DENND2C: variants seen among roughly 807,000 people sequenced by gnomAD.
The protein encoded by DENND2C is DENN domain-containing protein 2C.
Under a neutral mutation model 112.4 loss-of-function variants are expected in DENND2C, and 72 were observed. That is an observed-to-expected ratio of 0.64 (90% CI 0.53 to 0.78). The LOEUF (loss-of-function observed/expected upper bound fraction) is 0.78. Ranked by LOEUF, DENND2C falls within the 30% of genes least tolerant of loss-of-function variation. The probability of loss-of-function intolerance (pLI) is 0.00; values close to 1 mark genes in which losing one functional copy is unlikely to be tolerated. For synonymous variants in DENND2C, 329 were observed against 381.6 expected (o/e 0.86, Z 1.61); for missense variants, 992 against 1,113.8 (o/e 0.89, Z 1.56).
At chr1:114,626,902 A>G (rs1411534553) in intron 3 of DENND2C, among the ~76,000 whole-genome samples, 1 of 152,088 alleles carries the variant, frequency 6.6e-6, no homozygotes, top group Non-Finnish European at 1.5e-5. Context: ...CAAAATTTAT[A>G]TATGTCCACA....
intron 7 of DENND2C, 95 bp downstream of exon 7, chr1:114,621,800 C>G (rs1475565933): frequency 1.4e-6 from 2 of 1,476,920 alleles, no homozygotes; most frequent in South Asian, 1.3e-5. Flanking sequence ...TAGGTCAGTT[C>G]TAACCTATTA....
Position 114,587,785 on chromosome 1 carries a change from G to T in DENND2C, c.2599C>A (p.Leu867Ile). The T allele has an allele frequency of 6.2e-7, 1 of 1,614,140 alleles. No homozygotes were observed. ...GCAAACATCTGAGTTTCCATGAAGAGATCCAGGAAGTGGCGTACACTTCGG... is the reference window on the plus strand; with the variant it reads ...GCAAACATCTGAGTTTCCATGAAGATATCCAGGAAGTGGCGTACACTTCGG... Reference protein sequence around the residue: ...TSRSVRHFLDLFMETQMFAGF... With the variant: ...TSRSVRHFLDIFMETQMFAGF... Residue 867 changes from leucine (L) to isoleucine (I), a missense_variant, in exon 19 of 21, where the codon CTC (leucine) becomes ATC (isoleucine). Physicochemically the swap from Leu to Ile is conservative, Grantham distance 5. This residue lies in a region of DENND2C where 516 missense variants were observed against 623.6 expected (regional missense o/e 0.83). Coordinates refer to ENST00000393274, the MANE Select transcript of DENND2C (RefSeq NM_001256404.2).
At chr1:114,598,322 T>C (rs527959418) in intron 16 of DENND2C, among the ~76,000 whole-genome samples, 2 of 152,260 alleles carry the variant, frequency 1.3e-5, no homozygotes, top group East Asian at 1.9e-4. Context: ...CTCATCAACA[T>C]AGATTAATCT....
chr1:114,625,398 G>T lies in DENND2C; in HGVS notation c.587C>A (p.Ser196Tyr). The T allele has an allele frequency of 6.2e-7, 1 of 1,614,142 alleles. No individual in the cohort carries two copies. Among genetic ancestry groups the T allele is most frequent in the Non-Finnish European group, 8.5e-7 (1 of 1,180,012 alleles). ...TCCACATTCTTGCCCCTCAGGTTCA[G>T]AGTAAATATTTTCTAAGCTCTTGGT... ...GITKSLENIY[S>Y]EPEGQECGPS... The change falls in exon 4 of 21, where the codon TCT (serine) becomes TAT (tyrosine). Residue 196 changes from serine (S) to tyrosine (Y), a missense_variant. Ser to Tyr is a moderately radical substitution (Grantham distance 144). Around this residue, in one of 3 missense-constraint regions of DENND2C, gnomAD observed 470 missense variants for 472.7 expected, o/e 0.99. Transcript: ENST00000393274.
intron 14 of DENND2C, 136 bp downstream of exon 14, chr1:114,600,684 T>G (rs1333898886): frequency 3.3e-6 from 4 of 1,212,326 alleles, no homozygotes; most frequent in Non-Finnish European, 4.5e-6. Context: ...ATTTCTCCAG[T>G]GCTTTATGGA....
chr1:114,636,491 C>G (rs150676664), intron 3 of DENND2C, among the ~76,000 whole-genome samples: 1 of 152,058 alleles, frequency 6.6e-6, no homozygotes, highest in South Asian at 2.1e-4. Context: ...AGTGGTGAAT[C>G]CAGTCTCTAC....
At chr1:114,626,489 T>C (rs1002178310) in intron 3 of DENND2C, among the ~76,000 whole-genome samples, 1 of 151,162 alleles carries the variant, frequency 6.6e-6, no homozygotes, top group African/African-American at 2.4e-5. Context: ...CAGTATACAA[T>C]ATTTTTGTAA....
chr1:114,619,666 T>C (rs1440487088), intron 7 of DENND2C, among the ~76,000 whole-genome samples: 2 of 152,032 alleles, frequency 1.3e-5, no homozygotes, highest in African/African-American at 4.8e-5. Flanking sequence ...ATATTACTAT[T>C]ACAAAAAACA....
At chr1:114,586,875 G>A (rs1655053916) in intron 20 of DENND2C, 1 of 154,554 alleles carries the variant, frequency 6.5e-6, no homozygotes, top group African/African-American at 2.4e-5. Context: ...AGAACTACAG[G>A]AATGTGCCAG....
At chr1:114,662,302 C>T (rs1438543819) in intron 1 of DENND2C, among the ~76,000 whole-genome samples, 2 of 151,970 alleles carry the variant, frequency 1.3e-5, no homozygotes, top group Non-Finnish European at 2.9e-5. Context: ...TTTACTCCAA[C>T]AGAAAAAAAG....
rs1341073204 is a variant in DENND2C, at chr1:114,599,419, G to A, written c.2138C>T (p.Ala713Val). ...CTGCCAGGTGAACGGATACAGTGTA[G>A]CTACCACAGCATGGCCACATTTTGA... ...TLSKCGHAVV[A>V]TLYPFTWQHT... Residue 713 changes from alanine (A) to valine (V), a missense_variant, in exon 16 of 21, where the codon GCT becomes GTT. By Grantham distance (64) the Ala-to-Val change is moderately conservative (BLOSUM62 0). Around this residue, in one of 3 missense-constraint regions of DENND2C, gnomAD observed 516 missense variants for 623.6 expected, o/e 0.83. Coordinates refer to ENST00000393274, the MANE Select transcript of DENND2C (RefSeq NM_001256404.2). 2 of 1,613,854 alleles carry A rather than the reference G, an allele frequency of 1.2e-6. No homozygotes were observed. Among genetic ancestry groups the A allele is most frequent in the African/African-American group, 1.3e-5 (1 of 74,902 alleles).
intron 2 of DENND2C, among the ~76,000 whole-genome samples, chr1:114,648,185 T>A (rs1436017753): frequency 1.3e-5 from 2 of 152,224 alleles, no homozygotes; most frequent in Non-Finnish European, 2.9e-5. Flanking sequence ...ATTTTGTGAA[T>A]GGGGAAGCTG....
At chr1:114,594,608 C>A (rs1208571992) in intron 17 of DENND2C, 30 bp from the exon 18 acceptor site, 1 of 1,579,586 alleles carries the variant, frequency 6.3e-7, no homozygotes. Context: ...GGAGATTTTT[C>A]TTTGTTTGAG....
intron 20 of DENND2C, 21 bp from the exon 21 acceptor site, chr1:114,585,652 A>G (rs1655019973): frequency 1.9e-6 from 3 of 1,611,242 alleles, no homozygotes; most frequent in East Asian, 4.5e-5. Flanking sequence ...AGAAAAGTAC[A>G]GTGAATGCTC....
At chr1:114,621,275 A>C (rs1656157312) in intron 7 of DENND2C, among the ~76,000 whole-genome samples, 1 of 152,158 alleles carries the variant, frequency 6.6e-6, no homozygotes, top group South Asian at 2.1e-4. Context: ...AAGTAAATAA[A>C]TAAGAAAAAA....
chr1:114,608,578 A>G (rs1037266277), intron 10 of DENND2C, 108 bp downstream of exon 10: 2 of 1,226,632 alleles, frequency 1.6e-6, no homozygotes, highest in Non-Finnish European at 1.1e-6. Context: ...CCACAAGAAC[A>G]GTATTGGTAA....
intron 7 of DENND2C, among the ~76,000 whole-genome samples, chr1:114,620,845 A>G (rs1570779421): frequency 6.6e-6 from 1 of 152,222 alleles, no homozygotes; most frequent in Admixed American, 6.5e-5. Flanking sequence ...GTGGAATAGA[A>G]TATTTCCCAA....
At chr1:114,645,987 C>T (rs1322420287) in intron 2 of DENND2C, among the ~76,000 whole-genome samples, 3 of 151,340 alleles carry the variant, frequency 2.0e-5, no homozygotes, top group East Asian at 1.9e-4. Flanking sequence ...AGTGCAGTGG[C>T]GCCGTTTTGG....
intron 3 of DENND2C, among the ~76,000 whole-genome samples, chr1:114,638,169 C>G (rs1328878709): frequency 1.3e-5 from 2 of 151,954 alleles, no homozygotes; most frequent in African/African-American, 4.8e-5. Context: ...TTCCACAAAG[C>G]TGGGGAAAGA....
Sources: allele counts gnomAD v4.1 joint callset (sites outside exome capture counted in the v4.1 genomes callset), GRCh38; gene constraint gnomAD v4.1.1; regional missense constraint gnomAD v4.1.1; transcripts MANE v1.5; gene names NCBI Gene and HGNC (gene_info 2026-07-23, HGNC 2026-07-21).